SEC14L5: variants seen among roughly 807,000 people sequenced by gnomAD.
The protein encoded by SEC14L5 is SEC14 like lipid binding 5.
In SEC14L5, 96 loss-of-function variants were observed where a neutral mutation model predicts 84.6. The ratio of observed to expected loss-of-function variants is 1.13; its 90% CI spans 0.96 to 1.34. The LOEUF (loss-of-function observed/expected upper bound fraction) is 1.34, where lower values mean the gene tolerates loss of function less well. Ranked by LOEUF, SEC14L5 falls within the 40% of genes most tolerant of loss-of-function variation. SEC14L5 has a pLI of 0.00. For synonymous variants in SEC14L5, 546 were observed against 383.4 expected, an observed-to-expected ratio of 1.42 and a Z score of -4.95; for missense variants, 1,224 against 942.5, an observed-to-expected ratio of 1.30 and a Z score of -3.91.
chr16:4,990,776 G>A lies in SEC14L5; in HGVS notation c.355G>A (p.Glu119Lys). ...NEHCSYTVHPENEDWTCFEQS... is the reference protein window; with the variant it reads ...NEHCSYTVHPKNEDWTCFEQS... Reference sequence around the variant, plus strand: ...CCTGCCTGGCTTTCAGGTCCACCCTGAGAATGAAGACTGGACTTGCTTCGA... The same window carrying A: ...CCTGCCTGGCTTTCAGGTCCACCCTAAGAATGAAGACTGGACTTGCTTCGA... The change falls in exon 5 of 16, where the codon GAG becomes AAG. Residue 119 changes from glutamate (E) to lysine (K), a missense_variant. Glu to Lys is a moderately conservative substitution (Grantham distance 56, BLOSUM62 1). Coordinates refer to ENST00000251170, the MANE Select transcript of SEC14L5 (RefSeq NM_014692.2). 1 of 1,608,454 alleles carries A rather than the reference G, an allele frequency of 6.2e-7. No homozygotes were observed. The highest frequency in any genetic ancestry group is 8.5e-7 in the Non-Finnish European group (1 of 1,177,306).
intron 2 of SEC14L5, among the ~76,000 whole-genome samples, chr16:4,985,375 G>A (rs997609938): frequency 2.0e-5 from 3 of 152,094 alleles, no homozygotes; most frequent in African/African-American, 7.2e-5. Context: ...ACAGGTGCAT[G>A]CTACTATGCC....
At chr16:4,974,456 G>A (rs921437832) in intron 2 of SEC14L5, among the ~76,000 whole-genome samples, 4 of 152,014 alleles carry the variant, frequency 2.6e-5, no homozygotes, top group Non-Finnish European at 1.5e-5. Flanking sequence ...CTCCGACCTC[G>A]ACCTCCCAAA....
At chr16:5,000,392 C>T (rs1405690970) in intron 8 of SEC14L5, among the ~76,000 whole-genome samples, 1 of 152,214 alleles carries the variant, frequency 6.6e-6, no homozygotes, top group Non-Finnish European at 1.5e-5. Flanking sequence ...CCTGCCTCTG[C>T]CCCCCAAAAT....
intron 6 of SEC14L5, among the ~76,000 whole-genome samples, chr16:4,993,125 C>T (rs1287432285): frequency 6.6e-6 from 1 of 152,090 alleles, no homozygotes; most frequent in Non-Finnish European, 1.5e-5. Flanking sequence ...TCTCTGTAAC[C>T]TTGAAATCCT....
At chr16:5,011,625 A>T (rs1222818847) in intron 15 of SEC14L5, among the ~76,000 whole-genome samples, 1 of 152,202 alleles carries the variant, frequency 6.6e-6, no homozygotes, top group African/African-American at 2.4e-5. Context: ...GAATATTCTA[A>T]AAGGGTGCTT....
chr16:4,973,456 G>A (rs1233465900), intron 2 of SEC14L5, among the ~76,000 whole-genome samples: 2 of 139,174 alleles, frequency 1.4e-5, no homozygotes, highest in Non-Finnish European at 3.2e-5. Context: ...TTCATCAGCT[G>A]GGTGACACTG....
At chr16:4,999,159 C>A (rs575081730) in intron 8 of SEC14L5, among the ~76,000 whole-genome samples, 1 of 152,130 alleles carries the variant, frequency 6.6e-6, no homozygotes, top group Non-Finnish European at 1.5e-5. Context: ...TGCAGAATTG[C>A]GCCTAGCTTT....
intron 14 of SEC14L5, among the ~76,000 whole-genome samples, chr16:5,010,549 C>T (rs1422094392): frequency 6.6e-6 from 1 of 152,134 alleles, no homozygotes; most frequent in Non-Finnish European, 1.5e-5. Context: ...CAGTTGCTGT[C>T]GATCTCACCG....
intron 14 of SEC14L5, among the ~76,000 whole-genome samples, chr16:5,009,322 T>C (rs1955773187): frequency 1.3e-5 from 2 of 152,140 alleles, no homozygotes; most frequent in South Asian, 2.1e-4. Flanking sequence ...CTGTTTTTTT[T>C]TGAGACAGGG....
chr16:4,963,257 A>T (rs1447876639), intron 2 of SEC14L5, among the ~76,000 whole-genome samples: 1 of 152,202 alleles, frequency 6.6e-6, no homozygotes, highest in Non-Finnish European at 1.5e-5. Flanking sequence ...AAATTTATCT[A>T]GTCAAATAAA....
intron 2 of SEC14L5, among the ~76,000 whole-genome samples, chr16:4,981,241 C>T (rs1271859733): frequency 6.9e-6 from 1 of 144,262 alleles, no homozygotes; most frequent in African/African-American, 2.6e-5. Context: ...TGCACCAGCA[C>T]GTCTAGCTAA....
At chr16:4,990,603 T>G (rs1955542103) in intron 4 of SEC14L5, among the ~76,000 whole-genome samples, 164 bp from the exon 5 acceptor site, 1 of 152,266 alleles carries the variant, frequency 6.6e-6, no homozygotes, top group South Asian at 2.1e-4. Context: ...TGCATCGTTC[T>G]CTGGGTGGGG....
rs372819765 is a variant in SEC14L5, at chr16:5,018,513, A to G, written c.*3543A>G. The stretch of plus-strand genomic sequence containing the variant: ...GAGACCCTGTCTCTACAAAAAATTA[A>G]AAAATGAGCCAGGCGTGGTGGTGCG... On this transcript the variant is annotated 3_prime_UTR_variant, in exon 16 of 16. Transcript: ENST00000251170. The G allele has an allele frequency of 6.6e-6, 1 of 152,176 alleles. No individual in the cohort carries two copies. Among genetic ancestry groups the G allele is most frequent in the African/African-American group, 2.4e-5 (1 of 41,424 alleles). 9.4% of individuals were successfully genotyped at this position (152,176 alleles called of 1,614,324 possible).
chr16:4,974,438 A>C (rs559432329), intron 2 of SEC14L5, among the ~76,000 whole-genome samples: 2 of 152,196 alleles, frequency 1.3e-5, no homozygotes, highest in South Asian at 4.2e-4. Context: ...GCCTGGGCTT[A>C]AGCGATTCTC....
chr16:4,975,725 G>A (rs1314453146), intron 2 of SEC14L5, among the ~76,000 whole-genome samples: 1 of 152,106 alleles, frequency 6.6e-6, no homozygotes, highest in Non-Finnish European at 1.5e-5. Flanking sequence ...GAGGAGGTGA[G>A]TAGATTGATA....
At chr16:5,010,140 C>G (rs1024099249) in intron 14 of SEC14L5, among the ~76,000 whole-genome samples, 1 of 129,516 alleles carries the variant, frequency 7.7e-6, no homozygotes, top group Non-Finnish European at 1.5e-5. Context: ...GTCAGGAGTT[C>G]GAGACCAGCC....
rs543018413 is a variant in SEC14L5 at position 4,996,690 on chromosome 16, G to A, written c.781-165G>A. On this transcript the variant is annotated intron_variant, in intron 7 of 15. Transcript: ENST00000251170. Reference sequence around the variant, plus strand: ...GGGTTCAAGCAATTCTCCTGCCCTAGCCTCCTGAGTAGCTGGGGTTACAGG... The same window carrying A: ...GGGTTCAAGCAATTCTCCTGCCCTAACCTCCTGAGTAGCTGGGGTTACAGG... Among the ~76,000 whole-genome samples the A allele has an allele frequency of 4.6e-5, 7 of 152,146 alleles. No individual in the cohort carries two copies. In the South Asian group the frequency reaches 1.2e-3, roughly 27 times the overall value.
At chr16:4,964,463 G>A (rs145240509) in intron 2 of SEC14L5, among the ~76,000 whole-genome samples, 1 of 152,056 alleles carries the variant, frequency 6.6e-6, no homozygotes, top group Non-Finnish European at 1.5e-5. Context: ...GTGCATGCTT[G>A]TAATCCCAGC....
chr16:4,993,567 C>T (rs545712366), intron 6 of SEC14L5, among the ~76,000 whole-genome samples: 1 of 152,326 alleles, frequency 6.6e-6, no homozygotes, highest in South Asian at 2.1e-4. Flanking sequence ...GTCTATTTAG[C>T]TAGTTCCCTA....
Sources: allele counts gnomAD v4.1 joint callset (sites outside exome capture counted in the v4.1 genomes callset), GRCh38; gene constraint gnomAD v4.1.1; transcripts MANE v1.5; gene names NCBI Gene and HGNC (gene_info 2026-07-23, HGNC 2026-07-21).